The following FOXO3 variants were observed in gnomAD, a reference collection of about 807,000 sequenced individuals.
FOXO3 encodes forkhead box protein O3.
FOXO3 carries 4 observed loss-of-function variants against 41.9 expected under a neutral mutation model. The ratio of observed to expected loss-of-function variants is 0.10; its 90% confidence interval spans 0.05 to 0.22. FOXO3 has a LOEUF of 0.22. Ranked by LOEUF, FOXO3 falls within the 10% of genes least tolerant of loss-of-function variation. The probability of loss-of-function intolerance (pLI) is 1.00; values close to 1 mark genes in which losing one functional copy is unlikely to be tolerated. For synonymous variants in FOXO3, 318 were observed against 389.3 expected (o/e 0.82, Z 2.16); for missense variants, 534 against 906.8 (o/e 0.59, Z 5.28).
At chr6:108,580,167 G>A (rs1029616265) in intron 1 of FOXO3, among the ~76,000 whole-genome samples, 17 of 143,758 alleles carry the variant, frequency 1.2e-4, no homozygotes, top group Non-Finnish European at 2.4e-4. Flanking sequence ...AGCTTTATGA[G>A]TATTAGCTCT....
intron 1 of FOXO3, among the ~76,000 whole-genome samples, chr6:108,662,363 C>A (rs1778893556): frequency 6.6e-6 from 1 of 152,232 alleles, no homozygotes; most frequent in Non-Finnish European, 1.5e-5. Flanking sequence ...AGTTTCTCCA[C>A]TCTAAAGTTG....
At chr6:108,677,145 C>T (rs1312463622) in intron 2 of FOXO3, among the ~76,000 whole-genome samples, 1 of 152,244 alleles carries the variant, frequency 6.6e-6, no homozygotes, top group African/African-American at 2.4e-5. Context: ...AGGGCATTGC[C>T]TGGGGGACCT....
At chr6:108,664,931 A>T (rs1200395449) in intron 2 of FOXO3, 42 bp downstream of exon 2, 2 of 1,528,322 alleles carry the variant, frequency 1.3e-6, no homozygotes, top group African/African-American at 2.8e-5. Flanking sequence ...CAATATGGGG[A>T]TGAGGGGGGA....
intron 1 of FOXO3, among the ~76,000 whole-genome samples, chr6:108,660,778 G>A (rs546874227): frequency 1.3e-5 from 2 of 152,252 alleles, no homozygotes; most frequent in East Asian, 3.9e-4. Flanking sequence ...AGGCCGAGGC[G>A]GGTGGGTCAC....
chr6:108,668,197 C>G (rs1779112977), intron 2 of FOXO3, among the ~76,000 whole-genome samples: 1 of 152,186 alleles, frequency 6.6e-6, no homozygotes, highest in Non-Finnish European at 1.5e-5. Context: ...TGAATCTGAG[C>G]CGCCTTGTGT....
chr6:108,674,686 C>G (rs1770512489), intron 2 of FOXO3, among the ~76,000 whole-genome samples: 1 of 152,168 alleles, frequency 6.6e-6, no homozygotes, highest in Non-Finnish European at 1.5e-5. Flanking sequence ...GGCAAAGTGT[C>G]TTTGAACCTG....
chr6:108,642,128 G>A (rs1778277542), intron 1 of FOXO3, among the ~76,000 whole-genome samples: 1 of 145,156 alleles, frequency 6.9e-6, no homozygotes, highest in Non-Finnish European at 1.5e-5. Context: ...TCACTGTGTG[G>A]ACCAGGCTAG....
chr6:108,561,239 C>T lies in FOXO3; in HGVS notation c.31C>T (p.Leu11Phe), dbSNP rs1342949133. The change falls in exon 1 of 3, where the codon CTC (leucine) becomes TTC (phenylalanine). Residue 11 changes from leucine to phenylalanine, a missense_variant. Physicochemically the swap from Leu to Phe is conservative, Grantham distance 22. This residue lies in a region of FOXO3 where 19 missense variants were observed against 26.2 expected (regional missense o/e 0.73). Coordinates refer to ENST00000406360, the MANE Select transcript of FOXO3 (RefSeq NM_001455.4). ...AGAGGCACCGGCTTCCCCGGCCCCG[C>T]TCTCTCCGCTCGAAGTGGAGCTGGA... is the stretch of plus-strand genomic sequence containing the variant. MAEAPASPAP[L>F]SPLEVELDPE... 6.4e-7 allele frequency: 1 copy of T among 1,564,198 alleles called. No homozygotes were observed. The highest frequency in any genetic ancestry group is 8.6e-7 in the Non-Finnish European group (1 of 1,157,310).
chr6:108,681,253 A>C lies in FOXO3; in HGVS notation c.*1461A>C, dbSNP rs1339287469. 6.5e-6 allele frequency: 1 copy of C among 152,726 alleles called. No individual in the cohort carries two copies. Among genetic ancestry groups the C allele is most frequent in the Non-Finnish European group, 1.5e-5 (1 of 68,054 alleles). The allele number at this position is 152,726 out of a possible 1,614,324, so 9.5% of individuals were successfully genotyped here. ...TAGCACAGTATATGCATACTTCTCCAAAGTGATATATGAAGACTCTTTTCT... is the reference window on the plus strand; with the variant it reads ...TAGCACAGTATATGCATACTTCTCCCAAGTGATATATGAAGACTCTTTTCT... On this transcript the variant is annotated 3_prime_UTR_variant, in exon 3 of 3. Coordinates refer to ENST00000406360, the MANE Select transcript of FOXO3 (RefSeq NM_001455.4).
chr6:108,616,339 A>G (rs1418414509), intron 1 of FOXO3, among the ~76,000 whole-genome samples: 2 of 151,206 alleles, frequency 1.3e-5, no homozygotes, highest in South Asian at 2.1e-4. Flanking sequence ...TAATTTTTTT[A>G]TTTTTTAGAG....
intron 1 of FOXO3, among the ~76,000 whole-genome samples, chr6:108,573,299 A>ATAAG (rs554990811): frequency 0.016 from 2,406 of 152,086 alleles, 65 homozygotes; most frequent in African/African-American, 0.055. Flanking sequence ...AAATAAATAA[A>ATAAG]TAAGTAAGTA....
At chr6:108,599,158 T>G (rs1776975289) in intron 1 of FOXO3, among the ~76,000 whole-genome samples, 1 of 152,222 alleles carries the variant, frequency 6.6e-6, no homozygotes, top group Admixed American at 6.5e-5. Flanking sequence ...TTATTATTCC[T>G]GTTAATAAGT....
chr6:108,616,331 A>T (rs1777513798), intron 1 of FOXO3, among the ~76,000 whole-genome samples: 1 of 151,566 alleles, frequency 6.6e-6, no homozygotes, highest in Non-Finnish European at 1.5e-5. Flanking sequence ...CGCCTGGCTA[A>T]TTTTTTTATT....
chr6:108,655,548 A>G (rs1778660313), intron 1 of FOXO3, among the ~76,000 whole-genome samples: 1 of 152,160 alleles, frequency 6.6e-6, no homozygotes, highest in Non-Finnish European at 1.5e-5. Context: ...AAATGTACCT[A>G]TATCCAGGCC....
chr6:108,564,907 A>G (rs719808), intron 1 of FOXO3, among the ~76,000 whole-genome samples: 6 of 152,020 alleles, frequency 3.9e-5, no homozygotes, highest in Non-Finnish European at 8.8e-5. Flanking sequence ...AAAGCTAATG[A>G]CTTTCTTAAG....
intron 1 of FOXO3, chr6:108,656,258 C>T: frequency 2.1e-6 from 1 of 471,354 alleles, no homozygotes; most frequent in Non-Finnish European, 2.8e-6. Context: ...GTTGTCGTTG[C>T]TGAGAAAGAT....
intron 1 of FOXO3, among the ~76,000 whole-genome samples, chr6:108,650,391 C>G (rs1012669784): frequency 1.3e-5 from 2 of 152,158 alleles, no homozygotes; most frequent in Non-Finnish European, 2.9e-5. Context: ...CCCTGAGGCA[C>G]CCAGTTATAG....
chr6:108,592,365 A>G (rs1776753079), intron 1 of FOXO3, among the ~76,000 whole-genome samples: 1 of 152,194 alleles, frequency 6.6e-6, no homozygotes, highest in Non-Finnish European at 1.5e-5. Context: ...ACTTAAGGCC[A>G]AATAGTCCAT....
chr6:108,564,567 A>C (rs190403721), intron 1 of FOXO3, among the ~76,000 whole-genome samples: 52 of 152,188 alleles, frequency 3.4e-4, no homozygotes, highest in Non-Finnish European at 7.2e-4. Context: ...TTTTCAGGCT[A>C]TTTGGGCCAT....
Sources: allele counts gnomAD v4.1 joint callset (sites outside exome capture counted in the v4.1 genomes callset), GRCh38; gene constraint gnomAD v4.1.1; regional missense constraint gnomAD v4.1.1; transcripts MANE v1.5; gene names NCBI Gene and HGNC (gene_info 2026-07-23, HGNC 2026-07-21).